FBXW8: variants seen among roughly 807,000 people sequenced by gnomAD.
The protein encoded by FBXW8 is F-box and WD repeat domain containing 8.
Under a neutral mutation model 65.3 loss-of-function variants are expected in FBXW8, and 57 were observed. That is an observed-to-expected ratio of 0.87 (90% confidence interval 0.71 to 1.09). The LOEUF (loss-of-function observed/expected upper bound fraction) is 1.09, where lower values mean the gene tolerates loss of function less well. FBXW8 is among the 50% of genes least tolerant of loss of function. The pLI, the probability that FBXW8 is intolerant of heterozygous loss-of-function variation, is 0.00. For missense variants in FBXW8, 777 were observed against 814.8 expected (o/e 0.95, Z 0.57); for synonymous variants, 308 against 330.2 (o/e 0.93, Z 0.73).
chr12:116,996,052 C>T (rs141198627), intron 7 of FBXW8, among the ~76,000 whole-genome samples: 22 of 152,290 alleles, frequency 1.4e-4, no homozygotes, highest in Non-Finnish European at 2.6e-4. Context: ...AGGTTGATGA[C>T]GAGCCCCAGG....
At chr12:116,947,624 C>T (rs1042416184) in intron 3 of FBXW8, among the ~76,000 whole-genome samples, 9 of 151,090 alleles carry the variant, frequency 6.0e-5, no homozygotes, top group Non-Finnish European at 1.3e-4. Flanking sequence ...CCTGTAGTCC[C>T]AGCTACTGGG....
chr12:116,957,854 T>A (rs1425323932), intron 4 of FBXW8, among the ~76,000 whole-genome samples: 3 of 152,222 alleles, frequency 2.0e-5, no homozygotes, highest in Admixed American at 2.0e-4. Context: ...TTCTGGTAAA[T>A]AAGTCTGAGG....
At position 116,932,596 on chromosome 12, in the gene FBXW8, C is replaced by T. The variant is rs140676682; in HGVS notation, c.423+4469C>T. Among the ~76,000 whole-genome samples, 57 of 152,286 alleles carry T rather than the reference C, an allele frequency of 3.7e-4. 1 individual carries two copies. Among genetic ancestry groups the T allele is most frequent in the African/African-American group, 1.3e-3 (54 of 41,566 alleles). Reference sequence around the variant, plus strand: ...CTGTCACCAGGCTGGAGTGCAGTGGCGCGATCTCGGCTCACTGCAACCTCT... The same window carrying T: ...CTGTCACCAGGCTGGAGTGCAGTGGTGCGATCTCGGCTCACTGCAACCTCT... On this transcript the variant is annotated intron_variant, in intron 2 of 10. Transcript: ENST00000652555.
chr12:117,025,415 A>G (rs1954199548), intron 9 of FBXW8, among the ~76,000 whole-genome samples: 1 of 152,260 alleles, frequency 6.6e-6, no homozygotes, highest in Admixed American at 6.5e-5. Flanking sequence ...GCCCTCCCAC[A>G]GGAACTAAGA....
At chr12:117,002,144 T>G (rs1319932400) in intron 7 of FBXW8, among the ~76,000 whole-genome samples, 3 of 152,234 alleles carry the variant, frequency 2.0e-5, no homozygotes, top group Non-Finnish European at 4.4e-5. Flanking sequence ...GCCCCCATGT[T>G]TGGCACAGCC....
intron 9 of FBXW8, 92 bp downstream of exon 9, chr12:117,024,412 C>T (rs1358040708): frequency 2.7e-6 from 4 of 1,462,826 alleles, no homozygotes; most frequent in Non-Finnish European, 3.7e-6. Flanking sequence ...GCTAAATGCC[C>T]CCTACCCCCC....
At chr12:116,963,139 C>T (rs758249065) in intron 4 of FBXW8, among the ~76,000 whole-genome samples, 2 of 152,202 alleles carry the variant, frequency 1.3e-5, no homozygotes, top group Non-Finnish European at 1.5e-5. Flanking sequence ...ATCCCACATG[C>T]GCACTCTCTG....
chr12:116,993,606 T>C (rs1364602199), intron 7 of FBXW8, among the ~76,000 whole-genome samples: 1 of 152,226 alleles, frequency 6.6e-6, no homozygotes, highest in African/African-American at 2.4e-5. Flanking sequence ...CTTTTTTTTC[T>C]GCTGATTTAT....
At chr12:116,988,594 G>A (rs1953155393) in intron 6 of FBXW8, 69 bp from the exon 7 acceptor site, 3 of 1,372,462 alleles carry the variant, frequency 2.2e-6, no homozygotes, top group Non-Finnish European at 3.1e-6. Context: ...TGATGTGTAG[G>A]TGGAATTGCA....
At chr12:116,985,587 T>C (rs762223542) in intron 6 of FBXW8, 185 bp downstream of exon 6, 6 of 597,936 alleles carry the variant, frequency 1.0e-5, no homozygotes, top group South Asian at 2.2e-5. Context: ...AAGAAGCCAC[T>C]TCAGGCTGCT....
At chr12:116,950,046 A>G (rs1883177535) in intron 4 of FBXW8, 1 of 262,850 alleles carries the variant, frequency 3.8e-6, no homozygotes, top group Non-Finnish European at 7.4e-6. Context: ...AGCAAAGATA[A>G]TAAGTGTTGG....
In FBXW8 at chr12:116,943,830, G is replaced by A. The variant is rs1882761015; in HGVS notation, c.424-1534G>A. On this transcript the variant is annotated intron_variant, in intron 2 of 10. Transcript: ENST00000652555. Reference sequence around the variant, plus strand: ...GCCTCTAACAGCCCCAGCTAGCAGTGCCTCCTCAGGCAGCTGTAGAGTTAA... The same window carrying A: ...GCCTCTAACAGCCCCAGCTAGCAGTACCTCCTCAGGCAGCTGTAGAGTTAA... Among the ~76,000 whole-genome samples the A allele has an allele frequency of 7.9e-5, 12 of 152,196 alleles. No homozygotes were observed. The South Asian group carries it at 2.5e-3, about 32-fold the overall frequency.
At chr12:117,017,834 G>C (rs1488588893) in intron 8 of FBXW8, among the ~76,000 whole-genome samples, 2 of 152,092 alleles carry the variant, frequency 1.3e-5, no homozygotes, top group East Asian at 3.8e-4. Flanking sequence ...ATTATCATAT[G>C]GGAGTATTTA....
chr12:117,030,245 C>T lies in FBXW8; in HGVS notation c.*2073C>T, dbSNP rs898859499. On this transcript the variant is annotated 3_prime_UTR_variant, in exon 11 of 11. Coordinates refer to ENST00000652555, the MANE Select transcript of FBXW8 (RefSeq NM_153348.3). Reference sequence around the variant, plus strand: ...AGCAGATAGAGCTGCGACTGGGAAGCGTCACCTTCCCGTCCAGAGCGCTTT... The same window carrying T: ...AGCAGATAGAGCTGCGACTGGGAAGTGTCACCTTCCCGTCCAGAGCGCTTT... 1 of 152,198 alleles carries T rather than the reference C, an allele frequency of 6.6e-6. No individual in the cohort carries two copies. The highest frequency in any genetic ancestry group is 1.5e-5 in the Non-Finnish European group (1 of 68,038). The allele number at this position is 152,198 out of a possible 1,614,324, so 9.4% of individuals were successfully genotyped here. A position where few individuals can be genotyped will look rare whatever the true frequency, so the allele number is the denominator to read the frequency against.
intron 5 of FBXW8, among the ~76,000 whole-genome samples, chr12:116,965,408 G>A (rs1156704937): frequency 6.6e-6 from 1 of 152,094 alleles, no homozygotes; most frequent in African/African-American, 2.4e-5. Context: ...AACTAGGTAC[G>A]AATAGTCTAA....
chr12:117,019,864 C>T (rs187326959), intron 8 of FBXW8, among the ~76,000 whole-genome samples: 23 of 152,310 alleles, frequency 1.5e-4, no homozygotes, highest in African/African-American at 5.1e-4. Flanking sequence ...GTTTCAAGTA[C>T]GTGCTTCCAG....
chr12:116,937,580 A>G (rs1035700302), intron 2 of FBXW8, among the ~76,000 whole-genome samples: 3 of 152,206 alleles, frequency 2.0e-5, no homozygotes, highest in Non-Finnish European at 4.4e-5. Flanking sequence ...GAGGACTGAG[A>G]AATGACCATT....
rs576076851 is a variant in FBXW8, at chr12:116,985,254, G to T, written c.884G>T (p.Arg295Leu). The change falls in exon 6 of 11, where the codon CGT becomes CTT. Residue 295 changes from arginine to leucine, a missense_variant. Arg to Leu is a moderately radical substitution (Grantham distance 102, BLOSUM62 -2). Transcript: ENST00000652555. Reference sequence around the variant, plus strand: ...AGGACCGGAAAGTACCCTGTTCATCGTTTTGAGCACGATGCAAGAATACAG... The same window carrying T: ...AGGACCGGAAAGTACCCTGTTCATCTTTTTGAGCACGATGCAAGAATACAG... ...DLRTGKYPVH[R>L]FEHDARIQAL... 1.9e-6 allele frequency: 3 copies of T among 1,613,794 alleles called. No individual in the cohort carries two copies. The Admixed American group carries it at 5.0e-5, about 27-fold the overall frequency.
intron 1 of FBXW8, among the ~76,000 whole-genome samples, chr12:116,927,769 A>G (rs1881441588): frequency 6.6e-6 from 1 of 152,148 alleles, no homozygotes; most frequent in Non-Finnish European, 1.5e-5. Context: ...ACCATGGGAA[A>G]TGGTCATATG....
Sources: allele counts gnomAD v4.1 joint callset (sites outside exome capture counted in the v4.1 genomes callset), GRCh38; gene constraint gnomAD v4.1.1; transcripts MANE v1.5; gene names NCBI Gene and HGNC (gene_info 2026-07-23, HGNC 2026-07-21).